Variants in PLCB1 observed in about 807,000 individuals in gnomAD.
The protein encoded by PLCB1 is phospholipase C beta 1, also known as 1-phosphatidylinositol 4,5-bisphosphate phosphodiesterase beta-1.
PLCB1 carries 46 observed loss-of-function variants against 161.8 expected under a neutral mutation model. That is an observed-to-expected ratio of 0.28 (90% confidence interval 0.22 to 0.36). The LOEUF (loss-of-function observed/expected upper bound fraction) is 0.36, where lower values mean the gene tolerates loss of function less well. PLCB1 is among the 10% of genes least tolerant of loss of function. The pLI, the probability that PLCB1 is intolerant of heterozygous loss-of-function variation, is 1.00. For synonymous variants in PLCB1, 517 were observed against 503.7 expected (o/e 1.03, Z -0.35); for missense variants, 1,016 against 1,472.5 (o/e 0.69, Z 5.07).
intron 25 of PLCB1, among the ~76,000 whole-genome samples, chr20:8,763,484 C>G (rs1197347186): frequency 6.6e-6 from 1 of 152,182 alleles, no homozygotes; most frequent in Non-Finnish European, 1.5e-5. Context: ...TTCCCAGGTT[C>G]AAGCAATTCT....
At chr20:8,681,099 T>TATATATATATAAA in intron 9 of PLCB1, among the ~76,000 whole-genome samples, 1 of 107,390 alleles carries the variant, frequency 9.3e-6, no homozygotes, top group African/African-American at 4.3e-5. Flanking sequence ...TATATATATA[T>TATATATATATAAA]ATATATATAT....
At chr20:8,436,437 A>C (rs915029647) in intron 3 of PLCB1, among the ~76,000 whole-genome samples, 8 of 124,694 alleles carry the variant, frequency 6.4e-5, no homozygotes, top group African/African-American at 2.5e-4. Context: ...GTGTTCAAGA[A>C]AAAAAAAACA....
intron 2 of PLCB1, among the ~76,000 whole-genome samples, chr20:8,347,586 ATATACT>A (rs927572391): frequency 1.3e-5 from 2 of 152,286 alleles, no homozygotes; most frequent in Non-Finnish European, 1.5e-5. Context: ...TAATTGATAG[ATATACT>A]TAATTTATTT....
intron 3 of PLCB1, among the ~76,000 whole-genome samples, chr20:8,386,586 A>G (rs551498087): frequency 6.6e-6 from 1 of 152,342 alleles, no homozygotes; most frequent in East Asian, 1.9e-4. Context: ...TAGGATTTCC[A>G]GAACAGTCAA....
chr20:8,826,106 C>T (rs1411369267), intron 31 of PLCB1, among the ~76,000 whole-genome samples: 1 of 152,038 alleles, frequency 6.6e-6, no homozygotes, highest in Non-Finnish European at 1.5e-5. Context: ...AAATGTACCA[C>T]TTTGGAATTG....
In PLCB1 at chr20:8,464,436, T is replaced by C. The variant is rs535715147; in HGVS notation, c.246+92986T>C. Among the ~76,000 whole-genome samples, 3 of 152,334 alleles carry C rather than the reference T, an allele frequency of 2.0e-5. No homozygotes were observed. In the East Asian group the frequency reaches 5.8e-4, roughly 29 times the overall value. On this transcript the variant is annotated intron_variant, in intron 3 of 31. Coordinates refer to ENST00000338037, the MANE Select transcript of PLCB1 (RefSeq NM_015192.4). ...GTCGTGCCCTCCAACAACTTTCTTA[T>C]GATTCCAACCTAGCTGTCTCACTGT...
chr20:8,396,648 C>T (rs2122454118), intron 3 of PLCB1, among the ~76,000 whole-genome samples: 1 of 152,098 alleles, frequency 6.6e-6, no homozygotes, highest in South Asian at 2.1e-4. Flanking sequence ...CTACTGTTAA[C>T]ACAAAAAGTT....
At chr20:8,394,701 A>C (rs1477688691) in intron 3 of PLCB1, among the ~76,000 whole-genome samples, 4 of 152,196 alleles carry the variant, frequency 2.6e-5, no homozygotes, top group Non-Finnish European at 5.9e-5. Context: ...ACTATAGGCC[A>C]TTAGTGCATA....
chr20:8,732,454 A>G (rs1443437797), intron 18 of PLCB1, among the ~76,000 whole-genome samples: 1 of 151,654 alleles, frequency 6.6e-6, no homozygotes, highest in Non-Finnish European at 1.5e-5. Flanking sequence ...TTATCAAAAC[A>G]TTATAAGGGT....
chr20:8,428,723 A>G (rs1424080306), intron 3 of PLCB1, among the ~76,000 whole-genome samples: 1 of 152,122 alleles, frequency 6.6e-6, no homozygotes, highest in Admixed American at 6.6e-5. Context: ...ACCTGGTTCA[A>G]ATGAGCTCAC....
At chr20:8,813,477 C>A (rs991320114) in intron 31 of PLCB1, among the ~76,000 whole-genome samples, 5 of 152,044 alleles carry the variant, frequency 3.3e-5, no homozygotes, top group Non-Finnish European at 7.4e-5. Flanking sequence ...TCAAAGAAGA[C>A]CCAACCATCA....
intron 7 of PLCB1, chr20:8,652,070 T>TC (rs1168754575): frequency 1.3e-5 from 2 of 152,216 alleles, no homozygotes; most frequent in Non-Finnish European, 2.9e-5. Flanking sequence ...ATGAACCAAT[T>TC]CCCCGTAAAT....
At chr20:8,688,521 A>G (rs1313787543) in intron 10 of PLCB1, among the ~76,000 whole-genome samples, 1 of 152,166 alleles carries the variant, frequency 6.6e-6, no homozygotes, top group African/African-American at 2.4e-5. Context: ...TGATTTTTGT[A>G]TAAGGTGAGA....
At chr20:8,676,134 C>T (rs1445395897) in intron 9 of PLCB1, among the ~76,000 whole-genome samples, 1 of 152,256 alleles carries the variant, frequency 6.6e-6, no homozygotes, top group African/African-American at 2.4e-5. Flanking sequence ...CTTTGGGAGG[C>T]TTAAACAGGC....
chr20:8,263,747 T>A (rs1250015873), intron 2 of PLCB1, among the ~76,000 whole-genome samples: 1 of 152,118 alleles, frequency 6.6e-6, no homozygotes, highest in East Asian at 1.9e-4. Flanking sequence ...ATAGAAAAGG[T>A]ACATTGAAAA....
At chr20:8,709,062 T>G (rs1978850885) in intron 12 of PLCB1, among the ~76,000 whole-genome samples, 1 of 152,202 alleles carries the variant, frequency 6.6e-6, no homozygotes, top group South Asian at 2.1e-4. Context: ...TTTGGGGTGC[T>G]GTGGGCCACT....
At chr20:8,281,402 T>G (rs903110186) in intron 2 of PLCB1, among the ~76,000 whole-genome samples, 4 of 152,212 alleles carry the variant, frequency 2.6e-5, no homozygotes, top group Non-Finnish European at 5.9e-5. Context: ...TTAACATAGA[T>G]GTCATGGACT....
At position 8,300,518 on chromosome 20, in the gene PLCB1, T is replaced by C. The variant is rs1983853811; in HGVS notation, c.178-70864T>C. ...TCACAGCACCCTTTCTATGACTCCA[T>C]AGCCATTTGTTTGGAAGTGGTTTTT... On this transcript the variant is annotated intron_variant, in intron 2 of 31. Coordinates refer to ENST00000338037, the MANE Select transcript of PLCB1 (RefSeq NM_015192.4). Among the ~76,000 whole-genome samples the C allele has an allele frequency of 2.0e-5, 3 of 152,114 alleles. No individual in the cohort carries two copies. In the South Asian group the frequency reaches 6.2e-4, roughly 31 times the overall value.
Position 8,152,637 on chromosome 20 carries a change from CA to C in PLCB1, c.177+2276del, listed in dbSNP as rs377465640. Among the ~76,000 whole-genome samples the C allele has an allele frequency of 2.9e-4, 42 of 147,296 alleles. No homozygotes were observed. In the South Asian group the frequency reaches 5.4e-3, roughly 19 times the overall value. ...ACCATAGAGATAATCTCTCAGAAAACAAAAAAAAAATGTGATACCTTTAAGT... is the reference window on the plus strand; with the variant it reads ...ACCATAGAGATAATCTCTCAGAAAACAAAAAAAAATGTGATACCTTTAAGT... On this transcript the variant is annotated intron_variant, in intron 2 of 31. Transcript: ENST00000338037.
Sources: gnomAD v4.1 joint callset for allele counts (sites outside exome capture counted in the v4.1 genomes callset) on GRCh38, gnomAD v4.1.1 for gene constraint, MANE v1.5 for transcripts, NCBI Gene and HGNC (gene_info 2026-07-23, HGNC 2026-07-21) for gene names.